GTF2H4: variants seen among roughly 807,000 people sequenced by gnomAD.
GTF2H4 encodes BTF2 p52.
GTF2H4 carries 49 observed loss-of-function variants against 62.2 expected under a neutral mutation model. The observed-to-expected ratio is 0.79, with a 90% CI of 0.63 to 1.00. GTF2H4 has a LOEUF of 1.00. Ranked by LOEUF, GTF2H4 falls within the 50% of genes least tolerant of loss-of-function variation. The pLI, the probability that GTF2H4 is intolerant of heterozygous loss-of-function variation, is 0.00. For missense variants in GTF2H4, 479 were observed against 587.8 expected, an observed-to-expected ratio of 0.81 and a Z score of 1.91; for synonymous variants, 189 against 233.8, an observed-to-expected ratio of 0.81 and a Z score of 1.75.
Position 30,911,981 on chromosome 6 carries a change from G to C in GTF2H4, c.826-33G>C. On this transcript the variant is annotated intron_variant, in intron 9 of 13. Coordinates refer to ENST00000259895, the MANE Select transcript of GTF2H4 (RefSeq NM_001517.5). The surrounding 1 kb of genome is among the most constrained non-coding windows in gnomAD (Gnocchi z 4.3). ...AGGAAGATGTAAGGCAGTGACTTCTGAGACAAGGCATCTGCCTTTCTATTC... is the reference window on the plus strand; with the variant it reads ...AGGAAGATGTAAGGCAGTGACTTCTCAGACAAGGCATCTGCCTTTCTATTC... The C allele has an allele frequency of 1.2e-6, 2 of 1,609,746 alleles. No individual in the cohort carries two copies. Among genetic ancestry groups the C allele is most frequent in the Non-Finnish European group, 1.7e-6 (2 of 1,178,258 alleles).
Position 30,909,511 on chromosome 6 carries a change from G to T in GTF2H4, c.214G>T (p.Ala72Ser), listed in dbSNP as rs763833945. 6.2e-7 allele frequency: 1 copy of T among 1,610,308 alleles called. No homozygotes were observed. The highest frequency in any genetic ancestry group is 8.5e-7 in the Non-Finnish European group (1 of 1,177,524). Residue 72 changes from alanine (A) to serine (S), a missense_variant, in exon 3 of 14, where the codon GCT becomes TCT. By Grantham distance (99) the Ala-to-Ser change is moderately conservative. Coordinates refer to ENST00000259895, the MANE Select transcript of GTF2H4 (RefSeq NM_001517.5). The surrounding 1 kb of genome is among the most constrained non-coding windows in gnomAD (Gnocchi z 4.3). ...LEQPLPQAAV[A>S]LWVKKEFSKA... ...GCAGCCTTTGCCACAGGCTGCTGTA[G>T]CTCTGTGGGTAAAGAAGGAATTCAG...
Position 30,911,559 on chromosome 6 carries a change from G to A in GTF2H4, c.741+60G>A, listed in dbSNP as rs1159191374. The A allele has an allele frequency of 1.4e-6, 2 of 1,429,004 alleles. No individual in the cohort carries two copies. The highest frequency in any genetic ancestry group is 2.0e-6 in the Non-Finnish European group (2 of 1,022,032). The allele number at this position is 1,429,004 out of a possible 1,614,324, so 88.5% of individuals were successfully genotyped here. Reference sequence around the variant, plus strand: ...GGGGAAAGCAAGTTGTGGGGCAGTAGAGTAGACTGAGAAGATAAGAATGAA... The same window carrying A: ...GGGGAAAGCAAGTTGTGGGGCAGTAAAGTAGACTGAGAAGATAAGAATGAA... On this transcript the variant is annotated intron_variant, in intron 8 of 13. Transcript: ENST00000259895. The surrounding 1 kb of genome is among the most constrained non-coding windows in gnomAD (Gnocchi z 4.3).
chr6:30,913,410 G>C lies in GTF2H4; in HGVS notation c.1216+23G>C, dbSNP rs1793899865. 6.2e-7 allele frequency: 1 copy of C among 1,610,012 alleles called. No homozygotes were observed. Among genetic ancestry groups the C allele is most frequent in the Middle Eastern group, 1.7e-4 (1 of 6,046 alleles). ...AGGGTGAGTAGCTTCTGGTGGCCAA[G>C]TCTTGGTCATTGGCCAGAGAAAGGG... On this transcript the variant is annotated intron_variant, in intron 13 of 13. Transcript: ENST00000259895. This position sits in a 1 kb window ranked among gnomAD's most constrained non-coding sequence, Gnocchi z 4.2.
At position 30,910,672 on chromosome 6, in the gene GTF2H4, G is replaced by T; in HGVS notation, c.382G>T (p.Ala128Ser). The T allele has an allele frequency of 6.2e-7, 1 of 1,612,718 alleles. No individual in the cohort carries two copies. ...GGCCCATCCTGGCCGTAGGGGGAAG[G>T]CCTGGTCTGATGACACAAGTCAGCT... ...LRIALLGGGK[A>S]WSDDTSQLGP... The change falls in exon 5 of 14, where the codon GCC (alanine) becomes TCC (serine). Residue 128 changes from alanine to serine, a missense_variant. By Grantham distance (99) the Ala-to-Ser change is moderately conservative. Transcript: ENST00000259895. This position sits in a 1 kb window ranked among gnomAD's most constrained non-coding sequence, Gnocchi z 4.7.
chr6:30,913,907 A>C lies in GTF2H4; in HGVS notation c.1313A>C (p.Lys438Thr), dbSNP rs1295083690. ...GTGCTCGTGTTCGAGAACTCGGCCA[A>C]GCGGCTCATGGTGGTGACCCCGGCC... is the stretch of plus-strand genomic sequence containing the variant. The part of the protein sequence containing the change: ...LGVLVFENSA[K>T]RLMVVTPAGH... The change falls in exon 14 of 14, where the codon AAG (lysine) becomes ACG (threonine). Residue 438 changes from lysine (K) to threonine (T), a missense_variant. Transcript: ENST00000259895. This position sits in a 1 kb window ranked among gnomAD's most constrained non-coding sequence, Gnocchi z 4.2. The C allele has an allele frequency of 6.8e-6, 11 of 1,610,396 alleles. No homozygotes were observed. Among genetic ancestry groups the C allele is most frequent in the Non-Finnish European group, 9.3e-6 (11 of 1,178,982 alleles).
rs1460506555 is a variant in GTF2H4 at position 30,912,934 on chromosome 6, C to T, written c.1090-176C>T. Reference sequence around the variant, plus strand: ...GCGAATGTGCCAGAAAAGGAATATCCCACGTTGCTGGGAGCAGCAACGTGG... The same window carrying T: ...GCGAATGTGCCAGAAAAGGAATATCTCACGTTGCTGGGAGCAGCAACGTGG... On this transcript the variant is annotated intron_variant, in intron 11 of 13. Coordinates refer to ENST00000259895, the MANE Select transcript of GTF2H4 (RefSeq NM_001517.5). The surrounding 1 kb of genome is among the most constrained non-coding windows in gnomAD (Gnocchi z 4.8). Among the ~76,000 whole-genome samples the T allele has an allele frequency of 6.6e-6, 1 of 151,984 alleles. No homozygotes were observed. The highest frequency in any genetic ancestry group is 2.4e-5 in the African/African-American group (1 of 41,350).
In GTF2H4 at chr6:30,913,985, A is replaced by G; in HGVS notation, c.*2A>G. 6.4e-7 allele frequency: 1 copy of G among 1,573,074 alleles called. No homozygotes were observed. Among genetic ancestry groups the G allele is most frequent in the Non-Finnish European group, 8.7e-7 (1 of 1,155,740 alleles). On this transcript the variant is annotated 3_prime_UTR_variant, in exon 14 of 14. Coordinates refer to ENST00000259895, the MANE Select transcript of GTF2H4 (RefSeq NM_001517.5). The surrounding 1 kb of genome is among the most constrained non-coding windows in gnomAD (Gnocchi z 4.2). The stretch of plus-strand genomic sequence containing the variant: ...AAGCGGCAGAAACATAGCTCCTGAG[A>G]GCGCGGGACTTGGACACGGACCTCG...
Position 30,914,080 on chromosome 6 carries a change from T to G in GTF2H4, c.*97T>G, listed in dbSNP as rs2150544896. The G allele has an allele frequency of 8.1e-7, 1 of 1,234,590 alleles. No homozygotes were observed. The highest frequency in any genetic ancestry group is 1.1e-6 in the Non-Finnish European group (1 of 911,444). 76.5% of individuals were successfully genotyped at this position (1,234,590 alleles called of 1,614,324 possible). On this transcript the variant is annotated 3_prime_UTR_variant, in exon 14 of 14. Transcript: ENST00000259895. ...TTTATTTACGCGTCAGGGCTTTTCT[T>G]GTTTAATAAAGTTATGATAGCTAGC...
rs1376286370 is a variant in GTF2H4, at chr6:30,911,298, T to G, written c.672+29T>G. On this transcript the variant is annotated intron_variant, in intron 7 of 13. Transcript: ENST00000259895. The surrounding 1 kb of genome is among the most constrained non-coding windows in gnomAD (Gnocchi z 4.3). ...AGGAGGCAGGGCCACTTAACCAGCA[T>G]GCTCTGCTCCTCTCAGGTCTCACTG... is the stretch of plus-strand genomic sequence containing the variant. The G allele has an allele frequency of 6.4e-7, 1 of 1,562,282 alleles. No homozygotes were observed. Among genetic ancestry groups the G allele is most frequent in the African/African-American group, 1.4e-5 (1 of 73,944 alleles).
chr6:30,909,176 G>T lies in GTF2H4; in HGVS notation c.137+3G>T, dbSNP rs1395355824. 1 of 1,611,408 alleles carries T rather than the reference G, an allele frequency of 6.2e-7. No homozygotes were observed. Among genetic ancestry groups the T allele is most frequent in the Admixed American group, 1.7e-5 (1 of 59,800 alleles). On this transcript the variant is annotated splice_donor_region_variant and intron_variant, in intron 2 of 13. Coordinates refer to ENST00000259895, the MANE Select transcript of GTF2H4 (RefSeq NM_001517.5). This position sits in a 1 kb window ranked among gnomAD's most constrained non-coding sequence, Gnocchi z 4.3. ...GCCACATGTCTGGCTGTCTTCAGGT[G>T]AGAAGCCCCTTCATGGCAGGGAAAT... is the stretch of plus-strand genomic sequence containing the variant.
intron 1 of GTF2H4, 126 bp from the exon 2 acceptor site, chr6:30,908,907 TG>T: frequency 9.6e-7 from 1 of 1,046,062 alleles, no homozygotes; most frequent in Non-Finnish European, 1.5e-6. Context: ...ATGAGTGACA[TG>T]GGAAAGGAGA....
At position 30,913,132 on chromosome 6, in the gene GTF2H4, G is replaced by C; in HGVS notation, c.1112G>C (p.Arg371Thr). 3 of 1,614,148 alleles carry C rather than the reference G, an allele frequency of 1.9e-6. No homozygotes were observed. The highest frequency in any genetic ancestry group is 2.5e-6 in the Non-Finnish European group (3 of 1,180,018). The change falls in exon 12 of 14, where the codon AGA becomes ACA. Residue 371 changes from arginine to threonine, a missense_variant. By Grantham distance (71) the Arg-to-Thr change is moderately conservative. Coordinates refer to ENST00000259895, the MANE Select transcript of GTF2H4 (RefSeq NM_001517.5). This position sits in a 1 kb window ranked among gnomAD's most constrained non-coding sequence, Gnocchi z 4.2. ...AQQIIHFLRTRAHPVMLKQTP... is the reference protein window; with the variant it reads ...AQQIIHFLRTTAHPVMLKQTP... ...TAGATAATCCATTTCCTAAGGACAA[G>C]AGCCCACCCAGTGATGCTCAAACAG...
In GTF2H4 at chr6:30,909,109, G is replaced by A. The variant is rs1236032645; in HGVS notation, c.73G>A (p.Gly25Ser). The part of the protein sequence containing the change: ...QCRNLQEFLG[G>S]LSPGVLDRLY... ...CAGGAATCTGCAGGAATTCTTAGGG[G>A]GCCTGAGCCCTGGGGTATTGGACCG... is the stretch of plus-strand genomic sequence containing the variant. Residue 25 changes from glycine (G) to serine (S), a missense_variant, in exon 2 of 14, where the codon GGC (glycine) becomes AGC (serine). By Grantham distance (56) the Gly-to-Ser change is moderately conservative. Coordinates refer to ENST00000259895, the MANE Select transcript of GTF2H4 (RefSeq NM_001517.5). This position sits in a 1 kb window ranked among gnomAD's most constrained non-coding sequence, Gnocchi z 4.3. 1 of 1,614,014 alleles carries A rather than the reference G, an allele frequency of 6.2e-7. No individual in the cohort carries two copies. The highest frequency in any genetic ancestry group is 1.3e-5 in the African/African-American group (1 of 74,922).
Position 30,911,531 on chromosome 6 carries a change from G to A in GTF2H4, c.741+32G>A. 8 of 1,582,168 alleles carry A rather than the reference G, an allele frequency of 5.1e-6. No homozygotes were observed. Among genetic ancestry groups the A allele is most frequent in the African/African-American group, 1.3e-5 (1 of 74,162 alleles). On this transcript the variant is annotated intron_variant, in intron 8 of 13. Transcript: ENST00000259895. The surrounding 1 kb of genome is among the most constrained non-coding windows in gnomAD (Gnocchi z 4.3). ...AGGGGGCTGAAAGGTATAGAGATGG[G>A]AAGGGGAAAGCAAGTTGTGGGGCAG... is the stretch of plus-strand genomic sequence containing the variant.
In GTF2H4 at chr6:30,913,164, A is replaced by T. The variant is rs759630155; in HGVS notation, c.1137+7A>T. The T allele has an allele frequency of 1.2e-6, 2 of 1,614,146 alleles. No homozygotes were observed. Among genetic ancestry groups the T allele is most frequent in the Admixed American group, 3.3e-5 (2 of 60,022 alleles). On this transcript the variant is annotated splice_region_variant and intron_variant, in intron 12 of 13. Coordinates refer to ENST00000259895, the MANE Select transcript of GTF2H4 (RefSeq NM_001517.5). The surrounding 1 kb of genome is among the most constrained non-coding windows in gnomAD (Gnocchi z 4.2). The stretch of plus-strand genomic sequence containing the variant: ...CCCAGTGATGCTCAAACAGGTATAG[A>T]CAGGCTCCAAGATGTCAGAGGCTGG...
chr6:30,911,550 G>A lies in GTF2H4; in HGVS notation c.741+51G>A. ...AGATGGGAAGGGGAAAGCAAGTTGT[G>A]GGGCAGTAGAGTAGACTGAGAAGAT... On this transcript the variant is annotated intron_variant, in intron 8 of 13. Transcript: ENST00000259895. This position sits in a 1 kb window ranked among gnomAD's most constrained non-coding sequence, Gnocchi z 4.3. 1 of 1,516,558 alleles carries A rather than the reference G, an allele frequency of 6.6e-7. No homozygotes were observed. Among genetic ancestry groups the A allele is most frequent in the Non-Finnish European group, 9.2e-7 (1 of 1,090,808 alleles). The allele number at this position is 1,516,558 out of a possible 1,614,324, so 93.9% of individuals were successfully genotyped here.
Position 30,912,548 on chromosome 6 carries a change from G to T in GTF2H4, c.1089+90G>T. 6.6e-7 allele frequency: 1 copy of T among 1,521,262 alleles called. No homozygotes were observed. Among genetic ancestry groups the T allele is most frequent in the Non-Finnish European group, 9.0e-7 (1 of 1,112,840 alleles). The allele number at this position is 1,521,262 out of a possible 1,614,324, so 94.2% of individuals were successfully genotyped here. The stretch of plus-strand genomic sequence containing the variant: ...TCACATTATGGAAGGCTAGCTCTGA[G>T]TCTGTTATAATAGGTGGTGGTGAGT... On this transcript the variant is annotated intron_variant, in intron 11 of 13. Transcript: ENST00000259895. This position sits in a 1 kb window ranked among gnomAD's most constrained non-coding sequence, Gnocchi z 4.8.
rs1234515785 is a variant in GTF2H4 at position 30,910,960 on chromosome 6, C to T, written c.560+19C>T. Reference sequence around the variant, plus strand: ...TGAAGAGGTGAGGAAGCCGGAGGTACAGCAGCTCTCTGCTGTGCCATCTCC... The same window carrying T: ...TGAAGAGGTGAGGAAGCCGGAGGTATAGCAGCTCTCTGCTGTGCCATCTCC... On this transcript the variant is annotated intron_variant, in intron 6 of 13. Coordinates refer to ENST00000259895, the MANE Select transcript of GTF2H4 (RefSeq NM_001517.5). This position sits in a 1 kb window ranked among gnomAD's most constrained non-coding sequence, Gnocchi z 4.7. 1 of 1,573,690 alleles carries T rather than the reference C, an allele frequency of 6.4e-7. No individual in the cohort carries two copies. The highest frequency in any genetic ancestry group is 8.7e-7 in the Non-Finnish European group (1 of 1,153,538).
At position 30,910,384 on chromosome 6, in the gene GTF2H4, CA is replaced by C. The variant is rs1211183572; in HGVS notation, c.375-280del. Among the ~76,000 whole-genome samples the C allele has an allele frequency of 6.6e-6, 1 of 152,112 alleles. No individual in the cohort carries two copies. Among genetic ancestry groups the C allele is most frequent in the East Asian group, 1.9e-4 (1 of 5,180 alleles). On this transcript the variant is annotated intron_variant, in intron 4 of 13. Coordinates refer to ENST00000259895, the MANE Select transcript of GTF2H4 (RefSeq NM_001517.5). The surrounding 1 kb of genome is among the most constrained non-coding windows in gnomAD (Gnocchi z 4.7). ...TCACTCTGTCACCAAGGCCAGAGTG[CA>C]GTGGTGTAATCTTGACTCACGGCAG...
Sources: gnomAD v4.1 joint callset for allele counts (sites outside exome capture counted in the v4.1 genomes callset) on GRCh38, gnomAD v4.1.1 for gene constraint, Gnocchi (gnomAD v3.1) non-coding constraint, MANE v1.5 for transcripts, NCBI Gene and HGNC (gene_info 2026-07-23, HGNC 2026-07-21) for gene names.